Variants in KIFC3 observed in about 807,000 individuals in gnomAD.
The protein encoded by KIFC3 is kinesin-like protein KIFC3.
In KIFC3, 60 loss-of-function variants were observed where a neutral mutation model predicts 101.8. The ratio of observed to expected loss-of-function variants is 0.59; its 90% CI spans 0.48 to 0.73. The LOEUF is 0.73. Among genes scored for constraint, KIFC3 ranks in the 30% least tolerant of loss-of-function variants. The pLI is 0.00. For missense variants in KIFC3, 966 were observed against 1,137.1 expected, an observed-to-expected ratio of 0.85 and a Z score of 2.16; for synonymous variants, 476 against 482.7, an observed-to-expected ratio of 0.99 and a Z score of 0.18.
At chr16:57,847,396 C>G (rs2149322258) in intron 1 of KIFC3, among the ~76,000 whole-genome samples, 1 of 152,092 alleles carries the variant, frequency 6.6e-6, no homozygotes, top group East Asian at 1.9e-4. Flanking sequence ...TCGAGACCAG[C>G]CTGGGCAACA....
intron 1 of KIFC3, among the ~76,000 whole-genome samples, chr16:57,844,595 G>T (rs375706597): frequency 6.6e-6 from 1 of 152,074 alleles, no homozygotes; most frequent in African/African-American, 2.4e-5. Context: ...CTGGAGCTGC[G>T]CCAGTGCCAG....
chr16:57,835,258 A>T (rs2055663986), intron 1 of KIFC3, among the ~76,000 whole-genome samples: 1 of 152,212 alleles, frequency 6.6e-6, no homozygotes, highest in African/African-American at 2.4e-5. Context: ...AAAACAAAAC[A>T]AAATGGAAAA....
chr16:57,771,770 G>A, intron 4 of KIFC3, 84 bp from the exon 5 acceptor site: 1 of 1,479,550 alleles, frequency 6.8e-7, no homozygotes, highest in South Asian at 1.3e-5. Context: ...GATGGCACAA[G>A]GGCAGGGAAG....
intron 1 of KIFC3, among the ~76,000 whole-genome samples, chr16:57,847,477 C>T (rs1047894934): frequency 9.9e-5 from 15 of 151,976 alleles, no homozygotes; most frequent in African/African-American, 3.1e-4. Flanking sequence ...CAGCTGGTGT[C>T]ACAGAGAATT....
intron 3 of KIFC3, among the ~76,000 whole-genome samples, chr16:57,778,768 G>A (rs1356379198): frequency 1.3e-5 from 2 of 152,108 alleles, no homozygotes; most frequent in Non-Finnish European, 2.9e-5. Context: ...ATGAAAATAA[G>A]CAGGAGCGAG....
chr16:57,824,407 G>A lies in KIFC3; in HGVS notation c.109-26125C>T, dbSNP rs551721263. ...AGAACAAGATTCCAAGTAGGGCTGG[G>A]TGCAGTGGCTCACACCTGTAATCCC... On this transcript the variant is annotated intron_variant, in intron 1 of 2. Coordinates refer to the KIFC3 transcript ENST00000563028. Among the ~76,000 whole-genome samples, 5 of 152,194 alleles carry A rather than the reference G, an allele frequency of 3.3e-5. 1 individual carries two copies. The highest frequency in any genetic ancestry group is 1.2e-4 in the African/African-American group (5 of 41,462).
At chr16:57,825,825 G>C (rs1003088764) in intron 1 of KIFC3, among the ~76,000 whole-genome samples, 2 of 152,052 alleles carry the variant, frequency 1.3e-5, no homozygotes, top group Non-Finnish European at 2.9e-5. Context: ...GGGAGTACAG[G>C]TGTGCACCAC....
chr16:57,837,556 A>AGAAAGAAAGAAAGAAAGAAAGAAG (rs2055718625), intron 1 of KIFC3, among the ~76,000 whole-genome samples: 1 of 149,320 alleles, frequency 6.7e-6, no homozygotes, highest in Non-Finnish European at 1.5e-5. Context: ...GAAGGAAGGA[A>AGAAAGAAAGAAAGAAAGAAAGAAG]GAAAGAAAGA....
intron 1 of KIFC3, among the ~76,000 whole-genome samples, chr16:57,841,811 G>C (rs530026649): frequency 7.4e-4 from 113 of 152,102 alleles, no homozygotes; most frequent in Non-Finnish European, 1.3e-3. Context: ...TCTTGTGTCT[G>C]TCACCATGCC....
intron 3 of KIFC3, chr16:57,788,787 G>A (rs868913145): frequency 4.0e-6 from 5 of 1,257,450 alleles, no homozygotes; most frequent in Middle Eastern, 4.4e-4. Context: ...AGAGGATGGT[G>A]TGCTCCCGGA....
intron 1 of KIFC3, among the ~76,000 whole-genome samples, chr16:57,854,885 T>C (rs1228230859): frequency 6.6e-6 from 1 of 152,088 alleles, no homozygotes; most frequent in East Asian, 1.9e-4. Context: ...TCCAAGTGCT[T>C]GAAAGTTACA....
chr16:57,769,726 C>G lies in KIFC3; in HGVS notation c.1088-1G>C. The G allele has an allele frequency of 6.2e-7, 1 of 1,613,136 alleles. No individual in the cohort carries two copies. Among genetic ancestry groups the G allele is most frequent in the East Asian group, 2.2e-5 (1 of 44,882 alleles). ...AAGGTCAGCAAGTTGGTCCGGACGC[C>G]TATGGGGACACTCGGGCTGTGAGGC... On this transcript the variant is annotated splice_acceptor_variant, in intron 8 of 19. Coordinates refer to ENST00000445690, the MANE Select transcript of KIFC3 (RefSeq NM_001130100.2). LOFTEE classifies it high-confidence loss of function. The surrounding 1 kb of genome is among the most constrained non-coding windows in gnomAD (Gnocchi z 4.3).
Position 57,802,331 on chromosome 16 carries a change from GC to G in KIFC3, c.-40+38del, listed in dbSNP as rs2054788449. ...AACGGCGGGCCGGGCAGAGCCCAGC[GC>G]CCCGCTCGCACCCAGCCCGCCCGGG... On this transcript the variant is annotated intron_variant, in intron 1 of 19. Coordinates refer to ENST00000445690, the MANE Select transcript of KIFC3 (RefSeq NM_001130100.2). This position sits in a 1 kb window ranked among gnomAD's most constrained non-coding sequence, Gnocchi z 5.0. 1 of 948,330 alleles carries G rather than the reference GC, an allele frequency of 1.1e-6. No individual in the cohort carries two copies. Among genetic ancestry groups the G allele is most frequent in the African/African-American group, 1.8e-5 (1 of 56,348 alleles). 58.7% of individuals were successfully genotyped at this position (948,330 alleles called of 1,614,324 possible). A position where few individuals can be genotyped will look rare whatever the true frequency, so the allele number is the denominator to read the frequency against.
At position 57,760,393 on chromosome 16, in the gene KIFC3, A is replaced by G. The variant is rs1234251292; in HGVS notation, c.2256T>C (p.Thr752=). The change falls in exon 17 of 20, where the codon ACT becomes ACC. Residue 752 remains threonine (T), a synonymous_variant. Coordinates refer to ENST00000445690, the MANE Select transcript of KIFC3 (RefSeq NM_001130100.2). ...VVQVSPVEKN[T]SETLYSLKFA... is the part of the protein sequence containing the mutation. ...ACTTGAGGGAATAGAGCGTCTCGCTAGTGTTCTTCTCCACGGGGGACACCT... is the reference window on the plus strand; with the variant it reads ...ACTTGAGGGAATAGAGCGTCTCGCTGGTGTTCTTCTCCACGGGGGACACCT... 3 of 1,613,834 alleles carry G rather than the reference A, an allele frequency of 1.9e-6. No individual in the cohort carries two copies. Among genetic ancestry groups the G allele is most frequent in the Non-Finnish European group, 2.5e-6 (3 of 1,179,944 alleles).
intron 1 of KIFC3, among the ~76,000 whole-genome samples, chr16:57,821,204 T>C (rs2055344717): frequency 6.6e-6 from 1 of 150,380 alleles, no homozygotes; most frequent in Non-Finnish European, 1.5e-5. Context: ...GGGCTGACCA[T>C]TGGGTATGAC....
At chr16:57,803,174 TA>T, upstream of KIFC3, 1 of 777,694 alleles carries the variant, frequency 1.3e-6, no homozygotes, top group Non-Finnish European at 2.2e-6. Context: ...TCCCTTAAGG[TA>T]AAACACACCA....
intron 3 of KIFC3, among the ~76,000 whole-genome samples, chr16:57,792,708 C>T (rs1388100835): frequency 2.6e-5 from 4 of 151,254 alleles, no homozygotes; most frequent in African/African-American, 9.7e-5. Flanking sequence ...CATGATGAAA[C>T]CTCCGTCTCT....
chr16:57,790,400 A>G (rs1469335332), intron 3 of KIFC3, among the ~76,000 whole-genome samples: 2 of 99,464 alleles, frequency 2.0e-5, no homozygotes, highest in East Asian at 2.4e-4. Context: ...TTTTTTTTTC[A>G]TATCAACAGA....
intron 1 of KIFC3, among the ~76,000 whole-genome samples, chr16:57,818,128 G>A (rs1242111285): frequency 2.6e-5 from 4 of 151,438 alleles, no homozygotes; most frequent in East Asian, 2.0e-4. Flanking sequence ...TCTATCTTTA[G>A]TAGAGATGGA....
Sources: allele counts gnomAD v4.1 joint callset (sites outside exome capture counted in the v4.1 genomes callset), GRCh38; gene constraint gnomAD v4.1.1; non-coding constraint Gnocchi (gnomAD v3.1); transcripts MANE v1.5; gene names NCBI Gene and HGNC (gene_info 2026-07-23, HGNC 2026-07-21).